The following NCKAP5 variants were observed in gnomAD, a reference collection of about 807,000 sequenced individuals.
NCKAP5 encodes the protein nck-associated protein 5.
In NCKAP5, 92 loss-of-function variants were observed where a neutral mutation model predicts 167.0. The ratio of observed to expected loss-of-function variants is 0.55; its 90% CI spans 0.47 to 0.66. The LOEUF is 0.66. Ranked by LOEUF, NCKAP5 falls within the 30% of genes least tolerant of loss-of-function variation. The pLI is 0.00. For synonymous variants in NCKAP5, 891 were observed against 877.4 expected (o/e 1.02, Z -0.27); for missense variants, 2,378 against 2,315.0 (o/e 1.03, Z -0.56).
intron 2 of NCKAP5, among the ~76,000 whole-genome samples, chr2:133,544,291 G>A (rs1686471742): frequency 6.6e-6 from 1 of 151,990 alleles, no homozygotes; most frequent in South Asian, 2.1e-4. Context: ...ATATACACGT[G>A]TATACACAAA....
intron 4 of NCKAP5, among the ~76,000 whole-genome samples, chr2:133,267,075 G>T (rs1420251126): frequency 4.6e-5 from 7 of 152,132 alleles, no homozygotes; most frequent in Non-Finnish European, 8.8e-5. Flanking sequence ...CCTGGAGCTG[G>T]AGTTGGAGAA....
chr2:133,025,530 T>C (rs6730963), intron 6 of NCKAP5, among the ~76,000 whole-genome samples: 84,420 of 151,914 alleles, frequency 0.56, 23,755 homozygotes, highest in African/African-American at 0.62. Context: ...TGTCAAAAGT[T>C]ACTGTTGGGT....
the NCKAP5 span, among the ~76,000 whole-genome samples, chr2:133,597,696 A>G: frequency 2.0e-5 from 3 of 149,160 alleles, no homozygotes; most frequent in Non-Finnish European, 4.5e-5. Flanking sequence ...AAAAAAAAAA[A>G]AAGAAGAGAA....
intron 5 of NCKAP5, among the ~76,000 whole-genome samples, chr2:133,204,117 T>C (rs1003426946): frequency 6.6e-6 from 1 of 152,200 alleles, no homozygotes; most frequent in Non-Finnish European, 1.5e-5. Context: ...TGAAAAAACA[T>C]ATTCTCTAAA....
intron 16 of NCKAP5, among the ~76,000 whole-genome samples, chr2:132,761,859 T>C (rs1419413712): frequency 6.6e-6 from 1 of 152,176 alleles, no homozygotes; most frequent in African/African-American, 2.4e-5. Context: ...AATATATGCA[T>C]GTACATGTCA....
intron 6 of NCKAP5, among the ~76,000 whole-genome samples, chr2:133,008,506 A>G: frequency 6.6e-6 from 1 of 152,228 alleles, no homozygotes. Context: ...TGTACTTGCA[A>G]AAAACTTTAT....
intron 3 of NCKAP5, among the ~76,000 whole-genome samples, chr2:133,434,520 C>A (rs995752892): frequency 1.3e-5 from 2 of 152,178 alleles, no homozygotes; most frequent in Non-Finnish European, 2.9e-5. Flanking sequence ...ACTCTATATT[C>A]CTCAGTTTCC....
intron 3 of NCKAP5, among the ~76,000 whole-genome samples, chr2:133,487,736 T>C (rs1002095387): frequency 1.3e-5 from 2 of 152,100 alleles, no homozygotes; most frequent in Admixed American, 1.3e-4. Flanking sequence ...TATCCTAGAA[T>C]AGCTGCCTGA....
intron 4 of NCKAP5, among the ~76,000 whole-genome samples, chr2:133,219,696 T>A (rs752558084): frequency 1.1e-4 from 17 of 151,900 alleles, no homozygotes; most frequent in Non-Finnish European, 2.1e-4. Flanking sequence ...TTACATCAGC[T>A]GGAGTTTTTT....
the NCKAP5 span, among the ~76,000 whole-genome samples, chr2:133,606,745 G>GAA: frequency 5.8e-5 from 7 of 120,714 alleles, no homozygotes; most frequent in African/African-American, 2.1e-4. Context: ...GGAGTTCAGG[G>GAA]AAAAAAAAAA....
intron 2 of NCKAP5, among the ~76,000 whole-genome samples, chr2:133,552,740 TATA>T (rs1305904651): frequency 8.1e-6 from 1 of 123,948 alleles, no homozygotes; most frequent in Non-Finnish European, 1.8e-5. Flanking sequence ...AAACTTAAAG[TATA>T]ATAAAAAAAA....
chr2:132,675,284 C>T (rs1014198621), intron 19 of NCKAP5, among the ~76,000 whole-genome samples: 6 of 152,216 alleles, frequency 3.9e-5, no homozygotes, highest in South Asian at 2.1e-4. Context: ...GGCCCTTTCA[C>T]GGGCTGAGTG....
chr2:133,632,472 T>C, the NCKAP5 span, among the ~76,000 whole-genome samples: 1 of 152,186 alleles, frequency 6.6e-6, no homozygotes, highest in Admixed American at 6.5e-5. Context: ...GTAACTTGGG[T>C]CAATTCTTAA....
At chr2:132,917,623 T>A (rs1410815138) in intron 8 of NCKAP5, among the ~76,000 whole-genome samples, 1 of 152,240 alleles carries the variant, frequency 6.6e-6, no homozygotes, top group Non-Finnish European at 1.5e-5. Flanking sequence ...GGGAAAATAT[T>A]ATTTCACATT....
chr2:133,031,882 C>T (rs2078892661), intron 6 of NCKAP5, among the ~76,000 whole-genome samples: 1 of 152,090 alleles, frequency 6.6e-6, no homozygotes, highest in Admixed American at 6.6e-5. Context: ...ATCCCACTGC[C>T]TTGAAGAAAA....
intron 2 of NCKAP5, among the ~76,000 whole-genome samples, chr2:133,524,500 T>C (rs1684712579): frequency 6.6e-6 from 1 of 152,134 alleles, no homozygotes; most frequent in Non-Finnish European, 1.5e-5. Flanking sequence ...TTAATGTACG[T>C]ATATCATAAA....
the NCKAP5 span, among the ~76,000 whole-genome samples, chr2:133,587,883 A>G: frequency 3.9e-5 from 6 of 152,206 alleles, no homozygotes; most frequent in African/African-American, 1.4e-4. Context: ...AATTCACTTT[A>G]ACTTTTATCG....
At chr2:133,632,606 A>G in the NCKAP5 span, among the ~76,000 whole-genome samples, 1 of 152,226 alleles carries the variant, frequency 6.6e-6, no homozygotes, top group African/African-American at 2.4e-5. Flanking sequence ...CATAGTGCAC[A>G]GGTGTGTGAA....
intron 8 of NCKAP5, among the ~76,000 whole-genome samples, chr2:132,920,138 A>AT (rs11461871): frequency 0.37 from 56,217 of 151,408 alleles, 13,866 homozygotes; most frequent in African/African-American, 0.67. Flanking sequence ...CCTTTTCATG[A>AT]TTTTTTTTCT....
Sources: gnomAD v4.1 joint callset for allele counts (sites outside exome capture counted in the v4.1 genomes callset) on GRCh38, gnomAD v4.1.1 for gene constraint, MANE v1.5 for transcripts, NCBI Gene and HGNC (gene_info 2026-07-23, HGNC 2026-07-21) for gene names.